UBN1: variants seen among roughly 807,000 people sequenced by gnomAD.
UBN1 encodes the protein ubinuclein 1.
In UBN1, 17 loss-of-function variants were observed where a neutral mutation model predicts 108.5. The observed-to-expected ratio is 0.16, with a 90% CI of 0.11 to 0.24. UBN1 has a LOEUF of 0.24. UBN1 is among the 10% of genes least tolerant of loss of function. The probability of loss-of-function intolerance (pLI) is 1.00; values close to 1 mark genes in which losing one functional copy is unlikely to be tolerated. For missense variants in UBN1, 1,595 were observed against 1,394.4 expected (o/e 1.14, Z -2.29); for synonymous variants, 726 against 564.2 (o/e 1.29, Z -4.07).
chr16:4,858,442 A>G (rs1322258021), intron 3 of UBN1, 126 bp from the exon 4 acceptor site: 2 of 786,980 alleles, frequency 2.5e-6, no homozygotes, highest in Non-Finnish European at 4.2e-6. Flanking sequence ...GTTTGTGTGT[A>G]TGTGAGAGAG....
chr16:4,860,919 C>G lies in UBN1; in HGVS notation c.927C>G (p.Asp309Glu), dbSNP rs748890710. Residue 309 changes from aspartate to glutamate, a missense_variant, in exon 7 of 18, where the codon GAC (aspartate) becomes GAG (glutamate). Transcript: ENST00000262376. ...TGCTCCAGGCGGCCACTGCCATGGA[C>G]TCGCTGACGGATTTGGACTTGGAGC... ...NDLLQAATAM[D>E]SLTDLDLEHL... The G allele has an allele frequency of 9.3e-6, 15 of 1,614,256 alleles. No homozygotes were observed. Among genetic ancestry groups the G allele is most frequent in the Non-Finnish European group, 1.3e-5 (15 of 1,180,056 alleles).
chr16:4,850,034 GT>G (rs1049724395), intron 1 of UBN1, among the ~76,000 whole-genome samples: 2 of 149,666 alleles, frequency 1.3e-5, no homozygotes, highest in African/African-American at 2.5e-5. Flanking sequence ...ATAAATGTAA[GT>G]TTTTTTTAAG....
intron 10 of UBN1, 32 bp downstream of exon 10, chr16:4,870,666 C>A (rs375710471): frequency 1.2e-5 from 20 of 1,612,062 alleles, no homozygotes; most frequent in Admixed American, 1.7e-5. Flanking sequence ...CAGGTGCAAC[C>A]CTCCCGTCTT....
rs574321830 is a variant in UBN1, at chr16:4,849,782, A to G, written c.-40+1572A>G. 1.1e-4 allele frequency among the ~76,000 whole-genome samples: 17 copies of G among 151,796 alleles called. No homozygotes were observed. In the South Asian group the frequency reaches 2.5e-3, roughly 22 times the overall value. On this transcript the variant is annotated intron_variant, in intron 1 of 17. Transcript: ENST00000262376. Reference sequence around the variant, plus strand: ...TAATTTAAAAAAAATTTTTTTGTGCAGATGAAGTCTCATCATGTTGTCCAG... The same window carrying G: ...TAATTTAAAAAAAATTTTTTTGTGCGGATGAAGTCTCATCATGTTGTCCAG...
rs542377656 is a variant in UBN1, at chr16:4,880,180, C to T, written c.*48C>T. ...CACTTGGGTCTGGGTGGAATCAGAA[C>T]GTGCAGGTCTCCCAGGATGTACACT... On this transcript the variant is annotated 3_prime_UTR_variant, in exon 18 of 18. Coordinates refer to ENST00000262376, the MANE Select transcript of UBN1 (RefSeq NM_001079514.3). 4.1e-5 allele frequency: 66 copies of T among 1,593,968 alleles called. No homozygotes were observed. In the East Asian group the frequency reaches 5.6e-4, roughly 13 times the overall value.
intron 12 of UBN1, among the ~76,000 whole-genome samples, chr16:4,871,774 A>G (rs1480420824): frequency 6.6e-6 from 1 of 151,130 alleles, no homozygotes; most frequent in Admixed American, 6.6e-5. Flanking sequence ...TTTTAGTAGA[A>G]ATGGGGTTTC....
Position 4,857,906 on chromosome 16 carries a change from G to T in UBN1, c.250-84G>T, listed in dbSNP as rs888771334. ...TCTGGAAAACATTGTTTTTATAGAG[G>T]TATTGAGTAATCAGTGAAGTTTCTA... On this transcript the variant is annotated intron_variant, in intron 2 of 17. Coordinates refer to ENST00000262376, the MANE Select transcript of UBN1 (RefSeq NM_001079514.3). The T allele has an allele frequency of 3.1e-6, 3 of 952,996 alleles. No individual in the cohort carries two copies. The East Asian group carries it at 7.2e-5, about 23-fold the overall frequency. The allele number at this position is 952,996 out of a possible 1,614,324, so 59.0% of individuals were successfully genotyped here. A position where few individuals can be genotyped will look rare whatever the true frequency, so the allele number is the denominator to read the frequency against.
intron 10 of UBN1, 58 bp downstream of exon 10, chr16:4,870,692 G>A (rs938265554): frequency 4.6e-5 from 74 of 1,602,406 alleles, no homozygotes; most frequent in South Asian, 1.9e-4. Context: ...TTCCCCTCCC[G>A]TTTCTCGGTG....
intron 6 of UBN1, 64 bp from the exon 7 acceptor site, chr16:4,860,600 G>T (rs2087014523): frequency 6.7e-7 from 1 of 1,495,758 alleles, no homozygotes; most frequent in Non-Finnish European, 8.9e-7. Flanking sequence ...AGGGGTGAAG[G>T]CCTCTGGAGT....
intron 14 of UBN1, among the ~76,000 whole-genome samples, 154 bp from the exon 15 acceptor site, chr16:4,874,057 G>A (rs940258823): frequency 4.6e-5 from 7 of 152,174 alleles, no homozygotes; most frequent in Non-Finnish European, 8.8e-5. Context: ...AAGTCAAGGC[G>A]GGCACAGCTC....
intron 8 of UBN1, among the ~76,000 whole-genome samples, chr16:4,869,886 C>T (rs2087533561): frequency 6.6e-6 from 1 of 152,168 alleles, no homozygotes; most frequent in Non-Finnish European, 1.5e-5. Flanking sequence ...CCCCAAGTAA[C>T]TCATGACTTT....
chr16:4,875,009 G>T lies in UBN1; in HGVS notation c.2599G>T (p.Ala867Ser), dbSNP rs568629414. The T allele has an allele frequency of 6.2e-7, 1 of 1,614,070 alleles. No homozygotes were observed. The highest frequency in any genetic ancestry group is 8.5e-7 in the Non-Finnish European group (1 of 1,180,048). The change falls in exon 15 of 18, where the codon GCC becomes TCC. Residue 867 changes from alanine to serine, a missense_variant. Transcript: ENST00000262376. ...ACCAGCCACCTCAGGAGGCCTGTCA[G>T]CCTCCAGCAGCAGCTCTCACAAGAC... ...SAPATSGGLS[A>S]SSSSSHKTPA...
At chr16:4,872,795 C>T (rs1217137351) in intron 12 of UBN1, 89 bp from the exon 13 acceptor site, 2 of 1,465,904 alleles carry the variant, frequency 1.4e-6, no homozygotes, top group Admixed American at 1.8e-5. Context: ...GGGATAGCTA[C>T]TGAGGACCAG....
chr16:4,874,296 C>G lies in UBN1; in HGVS notation c.1886C>G (p.Thr629Arg), dbSNP rs762051114. The G allele has an allele frequency of 1.2e-6, 2 of 1,614,122 alleles. No homozygotes were observed. Among genetic ancestry groups the G allele is most frequent in the Admixed American group, 1.7e-5 (1 of 60,014 alleles). ...GPIALPSDHQ[T>R]GGLSIGASSR... ...ATTGCTTTGCCCTCAGATCACCAAA[C>G]AGGAGGCCTGAGTATTGGGGCCTCG... The change falls in exon 15 of 18, where the codon ACA becomes AGA. Residue 629 changes from threonine (T) to arginine (R), a missense_variant. Physicochemically the swap from Thr to Arg is moderately conservative, Grantham distance 71. Coordinates refer to ENST00000262376, the MANE Select transcript of UBN1 (RefSeq NM_001079514.3).
At position 4,852,940 on chromosome 16, in the gene UBN1, A is replaced by G. The variant is rs766262872; in HGVS notation, c.23A>G (p.Gln8Arg). Residue 8 changes from glutamine to arginine, a missense_variant, in exon 2 of 18, where the codon CAG becomes CGG. This residue lies in a region of UBN1 where 181 missense variants were observed against 157.3 expected (regional missense o/e 1.15). Transcript: ENST00000262376. MSEPHRV[Q>R]FTSLPGSLNP... ...GCCATGTCGGAGCCCCACAGGGTCCAGTTCACCTCTCTCCCAGGTTCCCTG... is the reference window on the plus strand; with the variant it reads ...GCCATGTCGGAGCCCCACAGGGTCCGGTTCACCTCTCTCCCAGGTTCCCTG... The G allele has an allele frequency of 1.9e-6, 3 of 1,614,190 alleles. No homozygotes were observed. The highest frequency in any genetic ancestry group is 1.7e-5 in the Admixed American group (1 of 60,016).
chr16:4,863,837 T>G (rs79297038), intron 7 of UBN1, among the ~76,000 whole-genome samples: 2,544 of 152,264 alleles, frequency 0.017, 62 homozygotes, highest in African/African-American at 0.057. Flanking sequence ...TCATCCTGCC[T>G]TCTTCAGGGC....
intron 2 of UBN1, among the ~76,000 whole-genome samples, chr16:4,856,226 A>C (rs2086803150): frequency 6.6e-6 from 1 of 152,208 alleles, no homozygotes; most frequent in Non-Finnish European, 1.5e-5. Context: ...CTTTTTGGGG[A>C]CTACAGATGC....
chr16:4,874,518 C>T lies in UBN1; in HGVS notation c.2108C>T (p.Ala703Val). The T allele has an allele frequency of 1.2e-6, 2 of 1,614,216 alleles. No individual in the cohort carries two copies. Among genetic ancestry groups the T allele is most frequent in the Non-Finnish European group, 1.7e-6 (2 of 1,180,042 alleles). Reference protein sequence around the residue: ...FTLPAPSKAPAEKVGGVLCTE... With the variant: ...FTLPAPSKAPVEKVGGVLCTE... ...CTGCCTGCACCCTCAAAAGCACCTG[C>T]AGAAAAAGTTGGAGGCGTTTTATGT... Residue 703 changes from alanine to valine, a missense_variant, in exon 15 of 18, where the codon GCA (alanine) becomes GTA (valine). By Grantham distance (64) the Ala-to-Val change is moderately conservative (BLOSUM62 0). Transcript: ENST00000262376.
intron 7 of UBN1, among the ~76,000 whole-genome samples, chr16:4,864,245 C>A (rs942755608): frequency 2.0e-5 from 3 of 152,048 alleles, no homozygotes; most frequent in African/African-American, 7.2e-5. Flanking sequence ...AGCCACTGCG[C>A]CTGGCCTGTG....
Sources: gnomAD v4.1 joint callset for allele counts (sites outside exome capture counted in the v4.1 genomes callset) on GRCh38, gnomAD v4.1.1 for gene constraint, gnomAD v4.1.1 regional missense constraint, MANE v1.5 for transcripts, NCBI Gene and HGNC (gene_info 2026-07-23, HGNC 2026-07-21) for gene names.